Variants in AFF1 observed in about 807,000 individuals in gnomAD.
AFF1 encodes the protein ALF transcription elongation factor 1.
AFF1 carries 48 observed loss-of-function variants against 121.7 expected under a neutral mutation model. That is an observed-to-expected ratio of 0.39 (90% CI 0.31 to 0.50). The LOEUF is 0.50. Among genes scored for constraint, AFF1 ranks in the 20% least tolerant of loss-of-function variants. The pLI, the probability that AFF1 is intolerant of heterozygous loss-of-function variation, is 0.76. For missense variants in AFF1, 1,523 were observed against 1,511.7 expected, an observed-to-expected ratio of 1.01 and a Z score of -0.12; for synonymous variants, 613 against 563.0, an observed-to-expected ratio of 1.09 and a Z score of -1.26.
intron 2 of AFF1, among the ~76,000 whole-genome samples, chr4:87,035,750 A>G (rs1199103038): frequency 1.3e-5 from 2 of 152,310 alleles, no homozygotes; most frequent in South Asian, 2.1e-4. Context: ...AGTGAAGTCC[A>G]TTTTATTTGA....
At chr4:86,988,962 T>C (rs1724499023) in intron 2 of AFF1, among the ~76,000 whole-genome samples, 1 of 151,924 alleles carries the variant, frequency 6.6e-6, no homozygotes, top group Admixed American at 6.6e-5. Flanking sequence ...TAATAAATGG[T>C]TTGGGAAAAC....
chr4:87,115,494 A>T (rs1430942946), intron 12 of AFF1, among the ~76,000 whole-genome samples, 195 bp downstream of exon 12: 1 of 151,756 alleles, frequency 6.6e-6, no homozygotes, highest in Non-Finnish European at 1.5e-5. Context: ...ATGGGCATTA[A>T]CACGTGTTAT....
intron 16 of AFF1, among the ~76,000 whole-genome samples, chr4:87,128,776 G>T (rs1191543454): frequency 1.3e-5 from 2 of 152,204 alleles, no homozygotes; most frequent in Non-Finnish European, 2.9e-5. Flanking sequence ...TCAAAGACAA[G>T]CCTCTCTAGC....
intron 2 of AFF1, among the ~76,000 whole-genome samples, chr4:86,957,171 A>G (rs1441434513): frequency 1.3e-5 from 2 of 152,206 alleles, no homozygotes; most frequent in African/African-American, 4.8e-5. Context: ...GGTAGATAAG[A>G]TGAACACTGA....
At chr4:87,052,933 T>C (rs1164868987) in intron 4 of AFF1, among the ~76,000 whole-genome samples, 1 of 152,024 alleles carries the variant, frequency 6.6e-6, no homozygotes, top group African/African-American at 2.4e-5. Flanking sequence ...GGGATGATAC[T>C]AGCTACCGAG....
Position 87,005,980 on chromosome 4 carries a change from T to C in AFF1, c.39-40186T>C, listed in dbSNP as rs77304242. On this transcript the variant is annotated intron_variant, in intron 2 of 20. Transcript: ENST00000395146. ...GTCTTTGTGTTATTCTAAAAATAGT[T>C]CTGACCTCTGAGAGGGTCTTGGGGA... 3.9e-3 allele frequency among the ~76,000 whole-genome samples: 593 copies of C among 152,322 alleles called. 3 individuals are homozygous for C. Among genetic ancestry groups the C allele is most frequent in the African/African-American group, 0.013 (557 of 41,556 alleles).
intron 7 of AFF1, among the ~76,000 whole-genome samples, chr4:87,093,474 A>G (rs951700476): frequency 6.6e-6 from 1 of 152,190 alleles, no homozygotes; most frequent in Non-Finnish European, 1.5e-5. Context: ...ACTTGATCTT[A>G]TGGTACTGGT....
At chr4:86,954,263 G>A (rs1052217956) in intron 2 of AFF1, among the ~76,000 whole-genome samples, 1 of 152,070 alleles carries the variant, frequency 6.6e-6, no homozygotes. Context: ...GAGGTTTAGG[G>A]GTAAAATATC....
chr4:87,027,410 A>G (rs974113418), intron 2 of AFF1, among the ~76,000 whole-genome samples: 1 of 152,208 alleles, frequency 6.6e-6, no homozygotes, highest in African/African-American at 2.4e-5. Context: ...CAAGTTTAGG[A>G]CCACTCTTGA....
intron 12 of AFF1, among the ~76,000 whole-genome samples, chr4:87,120,649 A>G (rs1007627690): frequency 6.6e-6 from 1 of 152,202 alleles, no homozygotes; most frequent in Non-Finnish European, 1.5e-5. Flanking sequence ...CTGCCGGTGA[A>G]TAAGGTGGTT....
Position 87,084,041 on chromosome 4 carries a change from C to T in AFF1, c.1060-79C>T, listed in dbSNP as rs568700813. 16 of 1,294,126 alleles carry T rather than the reference C, an allele frequency of 1.2e-5. No homozygotes were observed. In the African/African-American group the frequency reaches 2.0e-4, roughly 16 times the overall value. The allele number at this position is 1,294,126 out of a possible 1,614,324, so 80.2% of individuals were successfully genotyped here. On this transcript the variant is annotated intron_variant, in intron 4 of 20. Coordinates refer to ENST00000395146, the MANE Select transcript of AFF1 (RefSeq NM_001166693.3). ...GTAAGCCTTGAGATGAGTATTGCTG[C>T]ATTAATACAGTCATCCACCAGTACC... is the stretch of plus-strand genomic sequence containing the variant.
chr4:87,126,352 G>T lies in AFF1; in HGVS notation c.2811+16G>T, dbSNP rs369100146. On this transcript the variant is annotated intron_variant, in intron 14 of 20. Transcript: ENST00000395146. ...GGAGCACAAGGTGAGCAGGGGCGGC[G>T]GTCACTCTGTAAGATGGGATGCATT... 20 of 1,608,404 alleles carry T rather than the reference G, an allele frequency of 1.2e-5. No individual in the cohort carries two copies. The South Asian group carries it at 2.1e-4, about 17-fold the overall frequency.
At chr4:87,097,551 A>G (rs963823394) in intron 8 of AFF1, among the ~76,000 whole-genome samples, 3 of 152,256 alleles carry the variant, frequency 2.0e-5, no homozygotes, top group Non-Finnish European at 4.4e-5. Context: ...TATAAAAACT[A>G]TTAATTTAGT....
At chr4:87,050,613 C>G (rs1487570027) in intron 4 of AFF1, among the ~76,000 whole-genome samples, 1 of 152,094 alleles carries the variant, frequency 6.6e-6, no homozygotes, top group African/African-American at 2.4e-5. Context: ...TTTAATTCTT[C>G]CAAAGATCCT....
At chr4:87,065,582 C>T (rs1721271293) in intron 4 of AFF1, among the ~76,000 whole-genome samples, 1 of 151,878 alleles carries the variant, frequency 6.6e-6, no homozygotes, top group South Asian at 2.1e-4. Context: ...GACGCAGTGC[C>T]GCTATCAAAG....
intron 1 of AFF1, among the ~76,000 whole-genome samples, chr4:86,944,197 T>A (rs1452669973): frequency 7.0e-6 from 1 of 142,960 alleles, no homozygotes; most frequent in Non-Finnish European, 1.5e-5. Context: ...CCCCAGCACA[T>A]GGTTTGGCCA....
chr4:87,064,958 G>C (rs1345297962), intron 4 of AFF1, among the ~76,000 whole-genome samples: 1 of 151,564 alleles, frequency 6.6e-6, no homozygotes, highest in African/African-American at 2.4e-5. Flanking sequence ...AGGATCACTT[G>C]AGCACAGGAA....
At chr4:87,099,245 C>G (rs1311243533) in intron 8 of AFF1, among the ~76,000 whole-genome samples, 1 of 152,154 alleles carries the variant, frequency 6.6e-6, no homozygotes, top group Non-Finnish European at 1.5e-5. Context: ...AAGCTTAGAA[C>G]TTGACATTGA....
At chr4:87,119,654 C>T (rs939290416) in intron 12 of AFF1, among the ~76,000 whole-genome samples, 1 of 152,208 alleles carries the variant, frequency 6.6e-6, no homozygotes. Context: ...AGAGATAATT[C>T]CTCACTTCAT....
Sources: allele counts gnomAD v4.1 joint callset (sites outside exome capture counted in the v4.1 genomes callset), GRCh38; gene constraint gnomAD v4.1.1; transcripts MANE v1.5; gene names NCBI Gene and HGNC (gene_info 2026-07-23, HGNC 2026-07-21).